Variants in KLRF2 observed in about 807,000 individuals in gnomAD.
KLRF2 encodes killer cell lectin-like receptor subfamily F member 2.
In KLRF2, 28 loss-of-function variants were observed where a neutral mutation model predicts 25.3. The ratio of observed to expected loss-of-function variants is 1.11; its 90% CI spans 0.82 to 1.52. KLRF2 has a LOEUF of 1.52. Among genes scored for constraint, KLRF2 ranks in the 40% most tolerant of loss-of-function variants. The pLI is 0.00. For synonymous variants in KLRF2, 73 were observed against 85.0 expected, an observed-to-expected ratio of 0.86 and a Z score of 0.78; for missense variants, 265 against 245.8, an observed-to-expected ratio of 1.08 and a Z score of -0.52.
intron 2 of KLRF2, among the ~76,000 whole-genome samples, chr12:9,887,723 A>G (rs1484891262): frequency 6.7e-6 from 1 of 148,302 alleles, no homozygotes. Context: ...TGGTCAAAAG[A>G]GTTTTTTTTT....
chr12:9,887,426 C>G (rs756525543), intron 2 of KLRF2, among the ~76,000 whole-genome samples: 5 of 152,190 alleles, frequency 3.3e-5, no homozygotes, highest in Non-Finnish European at 7.3e-5. Context: ...AAAGATTCTA[C>G]TGGAGCAATG....
At position 9,893,185 on chromosome 12, in the gene KLRF2, A is replaced by G. The variant is rs144251587; in HGVS notation, c.366+17A>G. ...GATGAGCTGGTGAGAAATCAAAAAC[A>G]GGATCTAACTGCACAAGGAAAAATG... On this transcript the variant is annotated intron_variant, in intron 4 of 5. Transcript: ENST00000535540. The G allele has an allele frequency of 6.2e-5, 95 of 1,524,972 alleles. No individual in the cohort carries two copies. In the African/African-American group the frequency reaches 7.7e-4, roughly 12 times the overall value. The allele number at this position is 1,524,972 out of a possible 1,614,324, so 94.5% of individuals were successfully genotyped here. A position where few individuals can be genotyped will look rare whatever the true frequency, so the allele number is the denominator to read the frequency against.
intron 3 of KLRF2, 84 bp from the exon 4 acceptor site, chr12:9,892,936 T>C (rs1048965310): frequency 8.4e-7 from 1 of 1,194,798 alleles, no homozygotes; most frequent in East Asian, 2.6e-5. Flanking sequence ...AAAATCTATT[T>C]TCCAAGTAGT....
rs1272735795 is a variant in KLRF2, at chr12:9,893,466, G to A, written c.404G>A (p.Gly135Asp). 3.3e-6 allele frequency: 5 copies of A among 1,513,936 alleles called. No individual in the cohort carries two copies. The highest frequency in any genetic ancestry group is 4.4e-6 in the Non-Finnish European group (5 of 1,128,366). The allele number at this position is 1,513,936 out of a possible 1,614,324, so 93.8% of individuals were successfully genotyped here. ...AACAGTTTAAAACCTGGACATTTTGGTTGGATTGGACTATATGTTACATTC... is the reference window on the plus strand; with the variant it reads ...AACAGTTTAAAACCTGGACATTTTGATTGGATTGGACTATATGTTACATTC... ...IQNSLKPGHF[G>D]WIGLYVTFQG... is the part of the protein sequence containing the mutation. Residue 135 changes from glycine to aspartate, a missense_variant, in exon 5 of 6, where the codon GGT becomes GAT. Physicochemically the swap from Gly to Asp is moderately conservative, Grantham distance 94 (BLOSUM62 -1). Transcript: ENST00000535540.
intron 4 of KLRF2, 114 bp from the exon 5 acceptor site, chr12:9,893,315 C>G: frequency 1.2e-6 from 1 of 841,640 alleles, no homozygotes; most frequent in Non-Finnish European, 1.8e-6. Context: ...GAAAAAAATG[C>G]TAATGTATAT....
intron 3 of KLRF2, among the ~76,000 whole-genome samples, chr12:9,892,799 G>C (rs1396783108): frequency 6.6e-6 from 1 of 151,046 alleles, no homozygotes; most frequent in Non-Finnish European, 1.5e-5. Context: ...GGTCAGGCTG[G>C]TCTTGAACTC....
At position 9,885,032 on chromosome 12, in the gene KLRF2, C is replaced by A. The variant is rs575845984; in HGVS notation, c.169C>A (p.His57Asn). The change falls in exon 2 of 6, where the codon CAT (histidine) becomes AAT (asparagine). Residue 57 changes from histidine to asparagine, a missense_variant and splice_region_variant. Physicochemically the swap from His to Asn is moderately conservative, Grantham distance 68. Coordinates refer to ENST00000535540, the MANE Select transcript of KLRF2 (RefSeq NM_001190765.1). ...IMTGIDLKFW[H>N]KKMDFSQNVN... Reference sequence around the variant, plus strand: ...GACAGGGATTGACCTGAAGTTCTGGCGTGAGTAGTAAATTTTTATTTATTT... The same window carrying A: ...GACAGGGATTGACCTGAAGTTCTGGAGTGAGTAGTAAATTTTTATTTATTT... The A allele has an allele frequency of 3.0e-5, 36 of 1,190,382 alleles. No homozygotes were observed. The African/African-American group carries it at 3.8e-4, about 13-fold the overall frequency. The allele number at this position is 1,190,382 out of a possible 1,614,324, so 73.7% of individuals were successfully genotyped here.
chr12:9,893,503 A>G lies in KLRF2; in HGVS notation c.441A>G (p.Leu147=). Reference sequence around the variant, plus strand: ...TATATGTTACATTCCAAGGGAACCTATGGATGTGGATAGATGAACACTTTT... The same window carrying G: ...TATATGTTACATTCCAAGGGAACCTGTGGATGTGGATAGATGAACACTTTT... ...IGLYVTFQGN[L]WMWIDEHFLV... The change falls in exon 5 of 6, where the codon CTA becomes CTG. Residue 147 remains leucine, a synonymous_variant. Transcript: ENST00000535540. The G allele has an allele frequency of 6.6e-7, 1 of 1,519,892 alleles. No homozygotes were observed. The highest frequency in any genetic ancestry group is 8.8e-7 in the Non-Finnish European group (1 of 1,133,484). 94.2% of individuals were successfully genotyped at this position (1,519,892 alleles called of 1,614,324 possible).
chr12:9,893,765 T>A (rs572290270), intron 5 of KLRF2, among the ~76,000 whole-genome samples: 1 of 152,214 alleles, frequency 6.6e-6, no homozygotes, highest in East Asian at 1.9e-4. Context: ...AAAAATGGGA[T>A]GGAAAGTATT....
intron 2 of KLRF2, among the ~76,000 whole-genome samples, chr12:9,888,169 T>C (rs568282073): frequency 6.7e-6 from 1 of 148,684 alleles, no homozygotes; most frequent in South Asian, 2.1e-4. Context: ...TGTAACATCA[T>C]ACATGAAGTC....
Position 9,881,668 on chromosome 12 carries a change from A to T in KLRF2, c.70+3A>T, listed in dbSNP as rs924693057. ...TAAATCGAAGCAGAAATCTAAAGGT[A>T]GGAATACTGCTCCCCATCACCGCAT... On this transcript the variant is annotated splice_donor_region_variant and intron_variant, in intron 1 of 5. Coordinates refer to ENST00000535540, the MANE Select transcript of KLRF2 (RefSeq NM_001190765.1). 1 of 1,531,328 alleles carries T rather than the reference A, an allele frequency of 6.5e-7. No individual in the cohort carries two copies. Among genetic ancestry groups the T allele is most frequent in the Non-Finnish European group, 8.8e-7 (1 of 1,142,630 alleles). The allele number at this position is 1,531,328 out of a possible 1,614,324, so 94.9% of individuals were successfully genotyped here. A position where few individuals can be genotyped will look rare whatever the true frequency, so the allele number is the denominator to read the frequency against.
chr12:9,895,687 A>T lies in KLRF2; in HGVS notation c.480-2A>T. 6.6e-7 allele frequency: 1 copy of T among 1,522,716 alleles called. No individual in the cohort carries two copies. Among genetic ancestry groups the T allele is most frequent in the Admixed American group, 2.1e-5 (1 of 47,340 alleles). The allele number at this position is 1,522,716 out of a possible 1,614,324, so 94.3% of individuals were successfully genotyped here. A position where few individuals can be genotyped will look rare whatever the true frequency, so the allele number is the denominator to read the frequency against. ...CTGAAAAATCTGTCCTTTGTCTCTT[A>T]GGTTTTCAGTGATTGGACCAACTGA... On this transcript the variant is annotated splice_acceptor_variant, in intron 5 of 5. Transcript: ENST00000535540. LOFTEE classifies it high-confidence loss of function.
chr12:9,885,030 G>A lies in KLRF2; in HGVS notation c.167G>A (p.Trp56Ter). 1 of 1,197,914 alleles carries A rather than the reference G, an allele frequency of 8.3e-7. No individual in the cohort carries two copies. The highest frequency in any genetic ancestry group is 1.1e-6 in the Non-Finnish European group (1 of 933,574). The allele number at this position is 1,197,914 out of a possible 1,614,324, so 74.2% of individuals were successfully genotyped here. The change falls in exon 2 of 6, where the codon TGG becomes TAG. Residue 56 changes from tryptophan to a stop codon, truncating the protein, a stop_gained and splice_region_variant. Coordinates refer to ENST00000535540, the MANE Select transcript of KLRF2 (RefSeq NM_001190765.1). LOFTEE classifies it high-confidence loss of function. ...FIMTGIDLKF[W>*]HKKMDFSQNV... Reference sequence around the variant, plus strand: ...ATGACAGGGATTGACCTGAAGTTCTGGCGTGAGTAGTAAATTTTTATTTAT... The same window carrying A: ...ATGACAGGGATTGACCTGAAGTTCTAGCGTGAGTAGTAAATTTTTATTTAT...
chr12:9,890,422 C>T (rs1862662918), intron 3 of KLRF2, among the ~76,000 whole-genome samples: 2 of 152,156 alleles, frequency 1.3e-5, no homozygotes, highest in Admixed American at 6.6e-5. Flanking sequence ...CAAGCTCTCT[C>T]TTACGGTGTT....
At chr12:9,893,653 A>T (rs1177552945) in intron 5 of KLRF2, 112 bp downstream of exon 5, 3 of 441,614 alleles carry the variant, frequency 6.8e-6, no homozygotes, top group Non-Finnish European at 1.2e-5. Flanking sequence ...CCTTATCTTT[A>T]CATTTTTTTC....
chr12:9,895,713 T>A lies in KLRF2; in HGVS notation c.504T>A (p.Asp168Glu). 6.5e-7 allele frequency: 1 copy of A among 1,534,598 alleles called. No homozygotes were observed. Among genetic ancestry groups the A allele is most frequent in the Non-Finnish European group, 8.7e-7 (1 of 1,146,378 alleles). Residue 168 changes from aspartate (D) to glutamate (E), a missense_variant, in exon 6 of 6, where the codon GAT becomes GAA. Physicochemically the swap from Asp to Glu is conservative, Grantham distance 45. Coordinates refer to ENST00000535540, the MANE Select transcript of KLRF2 (RefSeq NM_001190765.1). ...PELFSVIGPT[D>E]DRSCAVITGN... is the part of the protein sequence containing the mutation. ...GGTTTTCAGTGATTGGACCAACTGATGACAGGAGCTGTGCCGTTATCACAG... is the reference window on the plus strand; with the variant it reads ...GGTTTTCAGTGATTGGACCAACTGAAGACAGGAGCTGTGCCGTTATCACAG...
At chr12:9,895,626 A>T in intron 5 of KLRF2, 63 bp from the exon 6 acceptor site, 2 of 1,420,880 alleles carry the variant, frequency 1.4e-6, no homozygotes, top group Non-Finnish European at 1.8e-6. Context: ...GCTGGAGAAA[A>T]CTTTAAAAGA....
chr12:9,889,321 G>C (rs762916016), intron 3 of KLRF2, among the ~76,000 whole-genome samples: 2 of 152,112 alleles, frequency 1.3e-5, no homozygotes, highest in Non-Finnish European at 2.9e-5. Flanking sequence ...ACCATACCTA[G>C]GCAGTTTGTC....
chr12:9,886,152 T>C (rs1318526654), intron 2 of KLRF2, among the ~76,000 whole-genome samples: 1 of 152,158 alleles, frequency 6.6e-6, no homozygotes, highest in Non-Finnish European at 1.5e-5. Flanking sequence ...GAATTACTAG[T>C]AGTAAAAATA....
Sources: allele counts gnomAD v4.1 joint callset (sites outside exome capture counted in the v4.1 genomes callset), GRCh38; gene constraint gnomAD v4.1.1; transcripts MANE v1.5; gene names NCBI Gene and HGNC (gene_info 2026-07-23, HGNC 2026-07-21).